The following ABLIM2 variants were observed in gnomAD, a reference collection of about 807,000 sequenced individuals.
ABLIM2 encodes the protein actin-binding LIM protein 2.
In ABLIM2, 53 loss-of-function variants were observed where a neutral mutation model predicts 97.7. The observed-to-expected ratio is 0.54, with a 90% confidence interval of 0.44 to 0.68. The LOEUF is 0.68. Among genes scored for constraint, ABLIM2 ranks in the 30% least tolerant of loss-of-function variants. The pLI is 0.00. For missense variants in ABLIM2, 835 were observed against 867.2 expected, an observed-to-expected ratio of 0.96 and a Z score of 0.47; for synonymous variants, 361 against 345.8, an observed-to-expected ratio of 1.04 and a Z score of -0.49.
chr4:8,144,857 C>T (rs1005739199), intron 1 of ABLIM2, among the ~76,000 whole-genome samples: 2 of 152,218 alleles, frequency 1.3e-5, no homozygotes, highest in African/African-American at 4.8e-5. Context: ...ATGCACCATC[C>T]GCAAAAGGGA....
At chr4:8,034,467 TGGTGGGTGGTAGGTGGGTGCA>T (rs1782937856) in intron 10 of ABLIM2, among the ~76,000 whole-genome samples, 1 of 92,388 alleles carries the variant, frequency 1.1e-5, no homozygotes, top group Admixed American at 1.2e-4. Flanking sequence ...AGGTAGGTGC[TGGTGGGTGGTAGGTGGGTGCA>T]GGTGGGTGGG....
At chr4:8,051,613 A>C (rs1013103382) in intron 8 of ABLIM2, among the ~76,000 whole-genome samples, 1 of 152,086 alleles carries the variant, frequency 6.6e-6, no homozygotes, top group African/African-American at 2.4e-5. Flanking sequence ...GCAGATAGAA[A>C]GGAAAAGGGG....
intron 7 of ABLIM2, among the ~76,000 whole-genome samples, chr4:8,055,523 T>C (rs1322393180): frequency 3.3e-5 from 5 of 152,250 alleles, no homozygotes; most frequent in Admixed American, 2.0e-4. Context: ...TGCATGGCTG[T>C]GTCTCCATCT....
rs149223300 is a variant in ABLIM2 at position 8,032,427 on chromosome 4, G to A, written c.1048-2651C>T. Among the ~76,000 whole-genome samples, 73 of 152,272 alleles carry A rather than the reference G, an allele frequency of 4.8e-4. No homozygotes were observed. The highest frequency in any genetic ancestry group is 1.7e-3 in the Admixed American group (26 of 15,300). On this transcript the variant is annotated intron_variant, in intron 10 of 20. Coordinates refer to ENST00000447017, the MANE Select transcript of ABLIM2 (RefSeq NM_001130083.2). The surrounding 1 kb of genome is among the most constrained non-coding windows in gnomAD (Gnocchi z 4.3). ...ACCCGCGTCCCAGGCGGCCACATCC[G>A]CAGGGCTGGCAGACATATCGGGGAG...
intron 8 of ABLIM2, among the ~76,000 whole-genome samples, chr4:8,051,149 G>T (rs1385077159): frequency 6.6e-6 from 1 of 152,248 alleles, no homozygotes; most frequent in Non-Finnish European, 1.5e-5. Context: ...GAACCCGGGA[G>T]CTGTCGCCAG....
intron 20 of ABLIM2, among the ~76,000 whole-genome samples, chr4:7,973,075 C>CTCTGTGTGTGTG (rs746286244): frequency 1.6e-5 from 2 of 123,978 alleles, no homozygotes; most frequent in African/African-American, 3.1e-5. Flanking sequence ...GCTCCCCTTG[C>CTCTGTGTGTGTG]TGTGTGTGTG....
At chr4:8,014,982 A>C (rs1255132579) in intron 14 of ABLIM2, among the ~76,000 whole-genome samples, 1 of 148,740 alleles carries the variant, frequency 6.7e-6, no homozygotes, top group Non-Finnish European at 1.5e-5. Context: ...GTGCAATGGC[A>C]CTAACTCGGC....
At chr4:8,029,844 C>A in intron 10 of ABLIM2, 68 bp from the exon 11 acceptor site, 1 of 1,520,466 alleles carries the variant, frequency 6.6e-7, no homozygotes, top group Non-Finnish European at 8.9e-7. Context: ...TCCACCCATC[C>A]CCCGACACCA....
intron 3 of ABLIM2, among the ~76,000 whole-genome samples, chr4:8,092,993 C>T (rs28588877): frequency 0.028 from 4,200 of 152,174 alleles, 205 homozygotes; most frequent in African/African-American, 0.096. Flanking sequence ...GGATTACAGG[C>T]GCCCACCACC....
chr4:8,102,869 G>A (rs1000180342), intron 2 of ABLIM2, among the ~76,000 whole-genome samples: 1 of 152,240 alleles, frequency 6.6e-6, no homozygotes, highest in Non-Finnish European at 1.5e-5. Flanking sequence ...TTTGCCGGTG[G>A]GGGTGAACGT....
At chr4:8,098,957 G>A (rs1237317244) in intron 2 of ABLIM2, among the ~76,000 whole-genome samples, 1 of 152,196 alleles carries the variant, frequency 6.6e-6, no homozygotes, top group Admixed American at 6.5e-5. Flanking sequence ...GATGGTCTGG[G>A]AGGGATGAGG....
rs149821579 is a variant in ABLIM2 at position 8,068,310 on chromosome 4, G to A, written c.676-7256C>T. Among the ~76,000 whole-genome samples, 458 of 152,296 alleles carry A rather than the reference G, an allele frequency of 3.0e-3. 4 individuals are homozygous for A. The highest frequency in any genetic ancestry group is 0.029 in the East Asian group (148 of 5,172). On this transcript the variant is annotated intron_variant, in intron 6 of 20. Transcript: ENST00000447017. This position sits in a 1 kb window ranked among gnomAD's most constrained non-coding sequence, Gnocchi z 4.5. ...GACATCTTGTGCCTTCTGAAGGGTG[G>A]CTGTCATCTTTAATAAGGCAGAACG...
chr4:8,034,478 AGGTGGGTG>A (rs1782950035), intron 10 of ABLIM2, among the ~76,000 whole-genome samples: 1 of 63,630 alleles, frequency 1.6e-5, no homozygotes, highest in East Asian at 5.5e-4. Context: ...GGTGGGTGGT[AGGTGGGTG>A]CAGGTGGGTG....
chr4:7,991,008 A>T (rs983628239), intron 17 of ABLIM2, among the ~76,000 whole-genome samples: 1 of 152,230 alleles, frequency 6.6e-6, no homozygotes, highest in Admixed American at 6.5e-5. Context: ...ACATGCAGAG[A>T]GCACGCCAGC....
At chr4:8,045,952 C>T (rs1348837523) in intron 8 of ABLIM2, among the ~76,000 whole-genome samples, 1 of 152,136 alleles carries the variant, frequency 6.6e-6, no homozygotes, top group African/African-American at 2.4e-5. Flanking sequence ...CCGGCTCTGT[C>T]CTCCATGCCC....
Position 8,021,295 on chromosome 4 carries a change from C to A in ABLIM2, c.1268-992G>T, listed in dbSNP as rs949977222. Among the ~76,000 whole-genome samples the A allele has an allele frequency of 6.6e-6, 1 of 152,078 alleles. No homozygotes were observed. The highest frequency in any genetic ancestry group is 1.5e-5 in the Non-Finnish European group (1 of 67,998). On this transcript the variant is annotated intron_variant, in intron 12 of 20. Transcript: ENST00000447017. This position sits in a 1 kb window ranked among gnomAD's most constrained non-coding sequence, Gnocchi z 5.5. ...TTATCAAGTCACGCATCCAGAGGGC[C>A]GAGGTGACCTGGGTGACGCCCCTCC...
At chr4:7,975,542 GT>G (rs1732307503) in intron 20 of ABLIM2, among the ~76,000 whole-genome samples, 2 of 152,218 alleles carry the variant, frequency 1.3e-5, no homozygotes, top group South Asian at 4.1e-4. Flanking sequence ...ATCAGTGAGT[GT>G]TAATCACATC....
rs142241950 is a variant in ABLIM2, at chr4:8,082,412, G to A, written c.455-1610C>T. 5.3e-3 allele frequency among the ~76,000 whole-genome samples: 800 copies of A among 152,296 alleles called. 4 individuals are homozygous for A. Among genetic ancestry groups the A allele is most frequent in the Non-Finnish European group, 9.1e-3 (621 of 68,028 alleles). On this transcript the variant is annotated intron_variant, in intron 4 of 20. Coordinates refer to ENST00000447017, the MANE Select transcript of ABLIM2 (RefSeq NM_001130083.2). This position sits in a 1 kb window ranked among gnomAD's most constrained non-coding sequence, Gnocchi z 5.6. ...CAGAAGACCTGGCCCAAAGCCTTGC[G>A]CATCCCGGGTGAACAGTGAGCATCG...
chr4:8,156,607 C>T (rs1024794067), intron 1 of ABLIM2, among the ~76,000 whole-genome samples: 2 of 152,260 alleles, frequency 1.3e-5, no homozygotes, highest in African/African-American at 4.8e-5. Flanking sequence ...GAGGGTTAGA[C>T]AGGCTGCCCT....
Sources: allele counts gnomAD v4.1 joint callset (sites outside exome capture counted in the v4.1 genomes callset), GRCh38; gene constraint gnomAD v4.1.1; non-coding constraint Gnocchi (gnomAD v3.1); transcripts MANE v1.5; gene names NCBI Gene and HGNC (gene_info 2026-07-23, HGNC 2026-07-21).